Variants in GRIN3A observed in about 807,000 individuals in gnomAD.
GRIN3A encodes glutamate receptor ionotropic, NMDA 3A.
GRIN3A carries 47 observed loss-of-function variants against 92.4 expected under a neutral mutation model. The ratio of observed to expected loss-of-function variants is 0.51; its 90% CI spans 0.40 to 0.65. GRIN3A has a LOEUF of 0.65. GRIN3A is among the 30% of genes least tolerant of loss of function. The probability of loss-of-function intolerance (pLI) is 0.00; values close to 1 mark genes in which losing one functional copy is unlikely to be tolerated. For missense variants in GRIN3A, 1,324 were observed against 1,393.1 expected (o/e 0.95, Z 0.79); for synonymous variants, 527 against 540.6 (o/e 0.97, Z 0.35).
chr9:101,686,896 A>G lies in GRIN3A; in HGVS notation c.1004T>C (p.Ile335Thr), dbSNP rs374756055. The part of the protein sequence containing the change: ...VVMFGCDMES[I>T]RRIFEITTQF... Reference sequence around the variant, plus strand: ...GGTTGTAATTTCGAAAATCCGCCGGATACTTTCCATGTCGCAGCCAAACAT... The same window carrying G: ...GGTTGTAATTTCGAAAATCCGCCGGGTACTTTCCATGTCGCAGCCAAACAT... The change falls in exon 2 of 9, where the codon ATC (isoleucine) becomes ACC (threonine). Residue 335 changes from isoleucine (I) to threonine (T), a missense_variant. Physicochemically the swap from Ile to Thr is moderately conservative, Grantham distance 89 (BLOSUM62 -1). Transcript: ENST00000361820. The G allele has an allele frequency of 7.4e-6, 12 of 1,614,108 alleles. No homozygotes were observed. The South Asian group carries it at 1.3e-4, about 18-fold the overall frequency.
At chr9:101,657,199 T>G (rs774778654) in intron 3 of GRIN3A, among the ~76,000 whole-genome samples, 4 of 151,928 alleles carry the variant, frequency 2.6e-5, no homozygotes, top group Non-Finnish European at 5.9e-5. Context: ...GCCTCTGATA[T>G]CTTTATATTC....
chr9:101,656,254 A>G (rs12351943), intron 3 of GRIN3A, among the ~76,000 whole-genome samples: 71,488 of 151,712 alleles, frequency 0.47, 17,079 homozygotes, highest in Middle Eastern at 0.54. Flanking sequence ...TTCTGGGTGA[A>G]CAATGAAAAA....
chr9:101,651,470 A>C (rs913552204), intron 3 of GRIN3A, among the ~76,000 whole-genome samples: 1 of 151,982 alleles, frequency 6.6e-6, no homozygotes, highest in Non-Finnish European at 1.5e-5. Context: ...TCTGGTGAAC[A>C]CATTGCTTTT....
chr9:101,594,263 G>A, intron 6 of GRIN3A: 1 of 1,005,490 alleles, frequency 9.9e-7, no homozygotes, highest in Non-Finnish European at 1.4e-6. Flanking sequence ...CACTGAGTTG[G>A]TGATGAAGCT....
At chr9:101,581,997 A>G (rs920324504) in intron 6 of GRIN3A, among the ~76,000 whole-genome samples, 4 of 152,236 alleles carry the variant, frequency 2.6e-5, no homozygotes, top group African/African-American at 4.8e-5. Context: ...AAGAAGTTCA[A>G]TAACTTGTCC....
intron 6 of GRIN3A, among the ~76,000 whole-genome samples, chr9:101,589,264 C>T (rs1008247231): frequency 6.6e-5 from 10 of 152,136 alleles, no homozygotes; most frequent in East Asian, 1.9e-4. Context: ...TGAGCCTCTG[C>T]ACCTGGCCAT....
chr9:101,616,164 TGTGA>T (rs1828449974), intron 5 of GRIN3A, among the ~76,000 whole-genome samples: 1 of 152,182 alleles, frequency 6.6e-6, no homozygotes, highest in African/African-American at 2.4e-5. Context: ...TAAATGAATG[TGTGA>T]GTGAGTCAGT....
intron 6 of GRIN3A, among the ~76,000 whole-genome samples, chr9:101,603,328 T>C (rs1341911002): frequency 6.6e-6 from 1 of 152,224 alleles, no homozygotes; most frequent in East Asian, 1.9e-4. Flanking sequence ...TTTTTCTGCG[T>C]GCATGGTTCT....
intron 6 of GRIN3A, among the ~76,000 whole-genome samples, chr9:101,590,387 TATTTA>T: frequency 2.2e-5 from 3 of 136,682 alleles, no homozygotes; most frequent in Admixed American, 7.3e-5. Context: ...TTTATTTATT[TATTTA>T]TTTTTTTGAG....
intron 1 of GRIN3A, among the ~76,000 whole-genome samples, chr9:101,726,169 A>G (rs924114186): frequency 5.3e-5 from 8 of 152,192 alleles, no homozygotes; most frequent in Non-Finnish European, 8.8e-5. Context: ...GGGGAAACCA[A>G]TGTGGGTTAA....
At chr9:101,601,976 A>G (rs1177814793) in intron 6 of GRIN3A, among the ~76,000 whole-genome samples, 2 of 152,136 alleles carry the variant, frequency 1.3e-5, no homozygotes, top group African/African-American at 4.8e-5. Context: ...CATAACACCT[A>G]GGCTGAAGTC....
At chr9:101,732,741 A>G (rs1243422692) in intron 1 of GRIN3A, among the ~76,000 whole-genome samples, 1 of 152,188 alleles carries the variant, frequency 6.6e-6, no homozygotes, top group Non-Finnish European at 1.5e-5. Flanking sequence ...ATAATGACCA[A>G]CACCTCTCCA....
intron 3 of GRIN3A, among the ~76,000 whole-genome samples, chr9:101,650,299 G>C (rs1387360236): frequency 6.6e-6 from 1 of 151,906 alleles, no homozygotes; most frequent in Non-Finnish European, 1.5e-5. Flanking sequence ...TCACTATTAG[G>C]CTCCTCCCCT....
At chr9:101,690,564 A>T (rs984877534) in intron 1 of GRIN3A, among the ~76,000 whole-genome samples, 2 of 152,208 alleles carry the variant, frequency 1.3e-5, no homozygotes, top group Non-Finnish European at 2.9e-5. Flanking sequence ...GCATCAAAGA[A>T]TCATTCAGTG....
chr9:101,723,346 C>T (rs888298590), intron 1 of GRIN3A, among the ~76,000 whole-genome samples: 2 of 151,608 alleles, frequency 1.3e-5, no homozygotes, highest in Non-Finnish European at 2.9e-5. Flanking sequence ...CTTAAGGCAG[C>T]GCGTCTGGAG....
In GRIN3A at chr9:101,623,496, C is replaced by G. The variant is rs1828585950; in HGVS notation, c.2499-63G>C. 5 of 1,183,456 alleles carry G rather than the reference C, an allele frequency of 4.2e-6. No homozygotes were observed. In the African/African-American group the frequency reaches 6.0e-5, roughly 14 times the overall value. 73.3% of individuals were successfully genotyped at this position (1,183,456 alleles called of 1,614,324 possible). ...CATTAATGGGAAGGAAGCATGAAGG[C>G]TGACAGCCGGCTTTTGTTTAGGGGA... On this transcript the variant is annotated intron_variant, in intron 4 of 8. Coordinates refer to ENST00000361820, the MANE Select transcript of GRIN3A (RefSeq NM_133445.3).
chr9:101,668,001 A>G (rs1408145732), intron 3 of GRIN3A, among the ~76,000 whole-genome samples: 2 of 152,082 alleles, frequency 1.3e-5, no homozygotes, highest in Non-Finnish European at 2.9e-5. Context: ...GTTTAGATTT[A>G]GGTTTGTCCC....
At chr9:101,737,012 G>A (rs1830216003) in intron 1 of GRIN3A, among the ~76,000 whole-genome samples, 2 of 151,868 alleles carry the variant, frequency 1.3e-5, no homozygotes, top group Non-Finnish European at 2.9e-5. Flanking sequence ...GTCAAAATAT[G>A]ATTTTCTCTC....
rs772302848 is a variant in GRIN3A, at chr9:101,686,785, A to G, written c.1115T>C (p.Leu372Ser). 1 of 1,614,010 alleles carries G rather than the reference A, an allele frequency of 6.2e-7. No individual in the cohort carries two copies. The highest frequency in any genetic ancestry group is 2.2e-5 in the East Asian group (1 of 44,888). The change falls in exon 2 of 9, where the codon TTA becomes TCA. Residue 372 changes from leucine (L) to serine (S), a missense_variant. Coordinates refer to ENST00000361820, the MANE Select transcript of GRIN3A (RefSeq NM_133445.3). ...VEELRTEGLP[L>S]GLIAHGKTTQ... Reference sequence around the variant, plus strand: ...TGTTTTTCCATGAGCAATGAGCCCTAAGGGCAGACCCTCTGTCCTCAGTTC... The same window carrying G: ...TGTTTTTCCATGAGCAATGAGCCCTGAGGGCAGACCCTCTGTCCTCAGTTC...
Sources: gnomAD v4.1 joint callset for allele counts (sites outside exome capture counted in the v4.1 genomes callset) on GRCh38, gnomAD v4.1.1 for gene constraint, MANE v1.5 for transcripts, NCBI Gene and HGNC (gene_info 2026-07-23, HGNC 2026-07-21) for gene names.